RBFOX1: variants seen among roughly 807,000 people sequenced by gnomAD.
RBFOX1 encodes the protein RNA binding protein fox-1 homolog 1.
Under a neutral mutation model 57.7 loss-of-function variants are expected in RBFOX1, and 8 were observed. The ratio of observed to expected loss-of-function variants is 0.14; its 90% CI spans 0.08 to 0.25. RBFOX1 has a LOEUF of 0.25. Ranked by LOEUF, RBFOX1 falls within the 10% of genes least tolerant of loss-of-function variation. The pLI is 1.00. For synonymous variants in RBFOX1, 326 were observed against 222.4 expected (o/e 1.47, Z -4.15); for missense variants, 611 against 548.5 (o/e 1.11, Z -1.14).
At chr16:6,128,502 C>A (rs1453887940) in intron 1 of RBFOX1, among the ~76,000 whole-genome samples, 1 of 152,288 alleles carries the variant, frequency 6.6e-6, no homozygotes, top group Non-Finnish European at 1.5e-5. Flanking sequence ...AAAGCTCTGG[C>A]TTTCTGTCCA....
chr16:7,445,612 C>T (rs1054773740), intron 4 of RBFOX1, among the ~76,000 whole-genome samples: 18 of 152,202 alleles, frequency 1.2e-4, no homozygotes, highest in Admixed American at 9.8e-4. Context: ...TGAAACCCTG[C>T]ACAGAATCCA....
At chr16:5,369,214 A>C (rs2065800167) in intron 1 of RBFOX1, among the ~76,000 whole-genome samples, 1 of 152,162 alleles carries the variant, frequency 6.6e-6, no homozygotes. Context: ...GTTGGCCAGG[A>C]TGGTCTTGAA....
At chr16:6,398,620 A>G (rs1229145965) in intron 2 of RBFOX1, among the ~76,000 whole-genome samples, 1 of 152,190 alleles carries the variant, frequency 6.6e-6, no homozygotes, top group African/African-American at 2.4e-5. Context: ...AAAGTTCCCA[A>G]ATGAGCTCCT....
At chr16:7,075,988 C>G (rs2058222456) in intron 4 of RBFOX1, among the ~76,000 whole-genome samples, 1 of 151,946 alleles carries the variant, frequency 6.6e-6, no homozygotes. Context: ...CCCTATTAGT[C>G]CCCTAAACTG....
At chr16:7,066,379 A>G (rs1357955935) in intron 4 of RBFOX1, among the ~76,000 whole-genome samples, 1 of 152,232 alleles carries the variant, frequency 6.6e-6, no homozygotes, top group Non-Finnish European at 1.5e-5. Context: ...TTGTGAGGCT[A>G]AGATACGAGA....
At chr16:5,288,282 A>G (rs2063448731) in intron 1 of RBFOX1, among the ~76,000 whole-genome samples, 1 of 152,208 alleles carries the variant, frequency 6.6e-6, no homozygotes, top group African/African-American at 2.4e-5. Flanking sequence ...GCATACCACA[A>G]AGAAGGCCGG....
At chr16:7,214,736 C>G (rs149949022) in intron 4 of RBFOX1, among the ~76,000 whole-genome samples, 1 of 152,112 alleles carries the variant, frequency 6.6e-6, no homozygotes, top group African/African-American at 2.4e-5. Flanking sequence ...TTTTGCTCTC[C>G]AGCCTAATTT....
At chr16:5,544,951 C>CTTTTTTTTTTTTTGTTTT (rs2045124519) in intron 2 of RBFOX1, among the ~76,000 whole-genome samples, 1 of 124,362 alleles carries the variant, frequency 8.0e-6, no homozygotes, top group Admixed American at 8.0e-5. Context: ...CTATTACATT[C>CTTTTTTTTTTTTTGTTTT]TTTTTTTTTT....
intron 3 of RBFOX1, among the ~76,000 whole-genome samples, chr16:5,846,318 C>A (rs569893801): frequency 6.6e-6 from 1 of 152,040 alleles, no homozygotes; most frequent in Non-Finnish European, 1.5e-5. Context: ...GAGGGCACCC[C>A]CCTCTTAAAG....
chr16:6,162,457 G>T (rs1386095782), intron 1 of RBFOX1, among the ~76,000 whole-genome samples: 1 of 152,096 alleles, frequency 6.6e-6, no homozygotes, highest in Admixed American at 6.6e-5. Flanking sequence ...CATGCTTATG[G>T]CTTGATTTTT....
chr16:7,567,082 T>C (rs2091856558), intron 5 of RBFOX1, among the ~76,000 whole-genome samples: 2 of 150,962 alleles, frequency 1.3e-5, no homozygotes, highest in African/African-American at 4.9e-5. Context: ...TAAAGCTGGA[T>C]ATATATATAT....
At chr16:6,803,336 C>T (rs748545876) in intron 3 of RBFOX1, among the ~76,000 whole-genome samples, 2 of 152,300 alleles carry the variant, frequency 1.3e-5, no homozygotes, top group East Asian at 3.9e-4. Context: ...CAGAAAACTA[C>T]AGCAGAAGTG....
chr16:7,275,322 G>A (rs1015247239), intron 4 of RBFOX1, among the ~76,000 whole-genome samples: 1 of 152,126 alleles, frequency 6.6e-6, no homozygotes, highest in Admixed American at 6.5e-5. Flanking sequence ...ATATTCAAAT[G>A]TGTTAATAGG....
chr16:5,428,122 CTGTGTGTGTGTGTGTGTGTG>C (rs3084227), intron 1 of RBFOX1, among the ~76,000 whole-genome samples: 1 of 141,768 alleles, frequency 7.1e-6, no homozygotes, highest in Non-Finnish European at 1.6e-5. Flanking sequence ...GTGTGTGTGT[CTGTGTGTGTGTGTGTGTGTG>C]TGTGTATGTG....
chr16:6,803,649 C>T (rs888991962), intron 3 of RBFOX1, among the ~76,000 whole-genome samples: 14 of 152,140 alleles, frequency 9.2e-5, no homozygotes, highest in Non-Finnish European at 1.6e-4. Flanking sequence ...AAGAATCTTT[C>T]ACCATTAATA....
chr16:6,772,489 A>G (rs888730735), intron 3 of RBFOX1, among the ~76,000 whole-genome samples: 15 of 134,284 alleles, frequency 1.1e-4, no homozygotes, highest in Admixed American at 8.1e-4. Flanking sequence ...ATGTGTGGGT[A>G]TGGGGTGCGT....
rs566844700 is a variant in RBFOX1 at position 6,739,670 on chromosome 16, A to G, written c.-16+85020A>G. On this transcript the variant is annotated intron_variant, in intron 3 of 15. Coordinates refer to ENST00000550418, the MANE Select transcript of RBFOX1 (RefSeq NM_018723.4). ...GGTGGGTGGATCACATGAGGTCACGAGTTCGAGACCAGCTTGGCCAACATG... is the reference window on the plus strand; with the variant it reads ...GGTGGGTGGATCACATGAGGTCACGGGTTCGAGACCAGCTTGGCCAACATG... 3.6e-4 allele frequency among the ~76,000 whole-genome samples: 55 copies of G among 152,276 alleles called. 1 individual carries two copies. The highest frequency in any genetic ancestry group is 1.2e-3 in the African/African-American group (51 of 41,556).
At chr16:5,783,618 C>A (rs1328622006) in intron 3 of RBFOX1, among the ~76,000 whole-genome samples, 1 of 152,206 alleles carries the variant, frequency 6.6e-6, no homozygotes, top group African/African-American at 2.4e-5. Flanking sequence ...TCAGACTTTA[C>A]ACACCATTTC....
At chr16:6,418,257 G>A (rs1405865711) in intron 2 of RBFOX1, among the ~76,000 whole-genome samples, 1 of 152,148 alleles carries the variant, frequency 6.6e-6, no homozygotes, top group Non-Finnish European at 1.5e-5. Flanking sequence ...GAGTGGCCGG[G>A]TCTGGAAATA....
Sources: gnomAD v4.1 joint callset for allele counts (sites outside exome capture counted in the v4.1 genomes callset) on GRCh38, gnomAD v4.1.1 for gene constraint, MANE v1.5 for transcripts, NCBI Gene and HGNC (gene_info 2026-07-23, HGNC 2026-07-21) for gene names.